The following AK3 variants were observed in gnomAD, a reference collection of about 807,000 sequenced individuals.
The protein encoded by AK3 is adenylate kinase 3.
AK3 carries 27 observed loss-of-function variants against 23.7 expected under a neutral mutation model. The observed-to-expected ratio is 1.14, with a 90% CI of 0.84 to 1.57. AK3 has a LOEUF of 1.57. Among genes scored for constraint, AK3 ranks in the 40% most tolerant of loss-of-function variants. The pLI is 0.00. For missense variants in AK3, 406 were observed against 285.6 expected (o/e 1.42, Z -3.04); for synonymous variants, 159 against 116.0 (o/e 1.37, Z -2.38).
chr9:4,738,980 C>G (rs2130918590), intron 1 of AK3, among the ~76,000 whole-genome samples: 1 of 151,958 alleles, frequency 6.6e-6, no homozygotes. Context: ...CGTCATGTTG[C>G]CTAGGCTGGT....
chr9:4,739,911 A>C (rs1186354539), intron 1 of AK3, among the ~76,000 whole-genome samples: 1 of 152,154 alleles, frequency 6.6e-6, no homozygotes, highest in Non-Finnish European at 1.5e-5. Flanking sequence ...AAAAAGAAAA[A>C]AAGAAAAAAG....
At chr9:4,719,990 G>A (rs983317507) in intron 2 of AK3, among the ~76,000 whole-genome samples, 2 of 152,254 alleles carry the variant, frequency 1.3e-5, no homozygotes, top group Admixed American at 1.3e-4. Context: ...CTTGAACCCG[G>A]GAGGGGAGGT....
At chr9:4,714,427 G>C (rs768901420) in intron 4 of AK3, among the ~76,000 whole-genome samples, 3 of 152,004 alleles carry the variant, frequency 2.0e-5, no homozygotes, top group Admixed American at 6.6e-5. Flanking sequence ...CTGTTTTCTC[G>C]GTAAGAAACA....
chr9:4,718,356 G>A (rs565950471), intron 4 of AK3, 63 bp downstream of exon 4: 3 of 1,273,366 alleles, frequency 2.4e-6, no homozygotes, highest in East Asian at 2.3e-5. Flanking sequence ...GTAGAGGAAG[G>A]AAAATCAAAA....
intron 1 of AK3, among the ~76,000 whole-genome samples, chr9:4,724,742 G>A (rs1481510312): frequency 3.3e-5 from 5 of 151,042 alleles, no homozygotes; most frequent in African/African-American, 1.2e-4. Context: ...TCATGCTACT[G>A]CACTCCCGCC....
intron 1 of AK3, among the ~76,000 whole-genome samples, chr9:4,736,487 A>C (rs999429517): frequency 1.6e-5 from 2 of 121,538 alleles, no homozygotes; most frequent in Non-Finnish European, 3.7e-5. Context: ...AAAAAAAAAA[A>C]CAACTCCGCT....
chr9:4,733,137 C>T (rs914743960), intron 1 of AK3, among the ~76,000 whole-genome samples: 1 of 152,070 alleles, frequency 6.6e-6, no homozygotes, highest in Admixed American at 6.6e-5. Flanking sequence ...GGGTGAGCCA[C>T]CCGCCAACCA....
intron 1 of AK3, among the ~76,000 whole-genome samples, chr9:4,725,593 A>G (rs1160471106): frequency 6.6e-6 from 1 of 151,914 alleles, no homozygotes; most frequent in Non-Finnish European, 1.5e-5. Context: ...ACATGGTGAA[A>G]CCCCATCTCT....
rs532696008 is a variant in AK3, at chr9:4,735,194, T to C, written c.151+5743A>G. ...AGGATTACTTGAGGCTAGGAGTTCA[T>C]GACAAGCCTGGACCAACATGGTGAG... On this transcript the variant is annotated intron_variant, in intron 1 of 4. Coordinates refer to ENST00000381809, the MANE Select transcript of AK3 (RefSeq NM_016282.4). Among the ~76,000 whole-genome samples, 26 of 145,608 alleles carry C rather than the reference T, an allele frequency of 1.8e-4. 1 individual carries two copies. In the East Asian group the frequency reaches 5.1e-3, roughly 29 times the overall value.
At chr9:4,735,949 TA>T (rs140669814) in intron 1 of AK3, among the ~76,000 whole-genome samples, 25,537 of 151,480 alleles carry the variant, frequency 0.17, 2,622 homozygotes, top group East Asian at 0.45. Flanking sequence ...ACCCCATCTC[TA>T]CTAAAAATAC....
At chr9:4,731,470 C>A (rs1219458787) in intron 1 of AK3, among the ~76,000 whole-genome samples, 1 of 151,684 alleles carries the variant, frequency 6.6e-6, no homozygotes, top group Non-Finnish European at 1.5e-5. Flanking sequence ...TATGGCTGCA[C>A]AGTATTTAAT....
intron 1 of AK3, among the ~76,000 whole-genome samples, chr9:4,735,531 G>A (rs1305359814): frequency 1.5e-5 from 2 of 137,204 alleles, no homozygotes; most frequent in East Asian, 4.1e-4. Context: ...AGGCTGGAGT[G>A]CAGTGGCATG....
At chr9:4,719,499 G>C (rs1382800138) in intron 2 of AK3, among the ~76,000 whole-genome samples, 192 bp from the exon 3 acceptor site, 1 of 152,048 alleles carries the variant, frequency 6.6e-6, no homozygotes, top group Non-Finnish European at 1.5e-5. Flanking sequence ...AACTTGACTG[G>C]GGCATGAGTG....
At chr9:4,717,612 G>T (rs143093204) in intron 4 of AK3, among the ~76,000 whole-genome samples, 1 of 152,248 alleles carries the variant, frequency 6.6e-6, no homozygotes, top group African/African-American at 2.4e-5. Context: ...GCTTTATGAT[G>T]GTGCGAAAGC....
upstream of AK3, chr9:4,742,016 CTT>C (rs1490197578): frequency 6.6e-6 from 1 of 152,210 alleles, no homozygotes; most frequent in Non-Finnish European, 1.5e-5. Context: ...GAGTGAGACT[CTT>C]TTATAAATAA....
Position 4,741,181 on chromosome 9 carries a change from G to A in AK3, c.-94C>T, listed in dbSNP as rs1162935348. 5 of 1,276,898 alleles carry A rather than the reference G, an allele frequency of 3.9e-6. No homozygotes were observed. The highest frequency in any genetic ancestry group is 3.1e-5 in the African/African-American group (2 of 63,546). 79.1% of individuals were successfully genotyped at this position (1,276,898 alleles called of 1,614,324 possible). A position where few individuals can be genotyped will look rare whatever the true frequency, so the allele number is the denominator to read the frequency against. ...GGCAGCCTGCGCCGGCCGGCTAGCAGCGCCACTAGCAGGCGGCTACTGCGG... is the reference window on the plus strand; with the variant it reads ...GGCAGCCTGCGCCGGCCGGCTAGCAACGCCACTAGCAGGCGGCTACTGCGG... On this transcript the variant is annotated 5_prime_UTR_variant, in exon 1 of 5. Coordinates refer to ENST00000381809, the MANE Select transcript of AK3 (RefSeq NM_016282.4).
intron 1 of AK3, among the ~76,000 whole-genome samples, chr9:4,723,067 T>C (rs1002063275): frequency 4.1e-5 from 6 of 146,928 alleles, no homozygotes; most frequent in East Asian, 3.9e-4. Flanking sequence ...TGAGACTCCG[T>C]CTCAAAAACA....
At chr9:4,727,714 C>T (rs527600098) in intron 1 of AK3, among the ~76,000 whole-genome samples, 6 of 152,212 alleles carry the variant, frequency 3.9e-5, no homozygotes, top group Non-Finnish European at 7.3e-5. Flanking sequence ...TCTTCCTTTG[C>T]ACTTACAACT....
At chr9:4,740,785 A>G (rs1842410492) in intron 1 of AK3, 152 bp downstream of exon 1, 2 of 1,043,644 alleles carry the variant, frequency 1.9e-6, no homozygotes, top group Non-Finnish European at 2.6e-6. Context: ...TTTGGGGCGC[A>G]GTCGCTCAGC....
Sources: gnomAD v4.1 joint callset for allele counts (sites outside exome capture counted in the v4.1 genomes callset) on GRCh38, gnomAD v4.1.1 for gene constraint, MANE v1.5 for transcripts, NCBI Gene and HGNC (gene_info 2026-07-23, HGNC 2026-07-21) for gene names.